Variants in QSOX1 observed in about 807,000 individuals in gnomAD.
The protein encoded by QSOX1 is quiescin sulfhydryl oxidase 1.
A neutral mutation model predicts 76.1 loss-of-function variants in QSOX1; 40 were observed. That is an observed-to-expected ratio of 0.53 (90% CI 0.41 to 0.68). The LOEUF (loss-of-function observed/expected upper bound fraction) is 0.68. Among genes scored for constraint, QSOX1 ranks in the 30% least tolerant of loss-of-function variants. The pLI is 0.00. For missense variants in QSOX1, 931 were observed against 974.3 expected (o/e 0.96, Z 0.59); for synonymous variants, 392 against 413.1 (o/e 0.95, Z 0.62).
intron 2 of QSOX1, among the ~76,000 whole-genome samples, chr1:180,167,533 A>G (rs1165673246): frequency 6.6e-6 from 1 of 152,190 alleles, no homozygotes; most frequent in Admixed American, 6.5e-5. Flanking sequence ...AGCAGCATCC[A>G]TCCGGGAAGT....
intron 5 of QSOX1, among the ~76,000 whole-genome samples, chr1:180,180,459 C>T (rs1003706550): frequency 6.6e-6 from 1 of 152,214 alleles, no homozygotes; most frequent in African/African-American, 2.4e-5. Context: ...ATCCGCCCAC[C>T]TCAGCCTCCC....
At chr1:180,195,611 G>C (rs1335757182) in intron 11 of QSOX1, among the ~76,000 whole-genome samples, 2 of 152,036 alleles carry the variant, frequency 1.3e-5, no homozygotes, top group Non-Finnish European at 2.9e-5. Context: ...GGCCCACCTG[G>C]GGTACCAACA....
chr1:180,196,968 G>A lies in QSOX1; in HGVS notation c.2175G>A (p.Leu725=), dbSNP rs1339938689. 1 of 1,611,768 alleles carries A rather than the reference G, an allele frequency of 6.2e-7. No homozygotes were observed. The highest frequency in any genetic ancestry group is 1.1e-5 in the South Asian group (1 of 90,820). Residue 725 remains leucine, a synonymous_variant, in exon 12 of 12, where the codon CTG becomes CTA. Coordinates refer to ENST00000367602, the MANE Select transcript of QSOX1 (RefSeq NM_002826.5). This position sits in a 1 kb window ranked among gnomAD's most constrained non-coding sequence, Gnocchi z 4.1. ...GLYSLSFMGL[L]AMYTYFQAKI... ...ATTCCCTGTCCTTCATGGGCCTGCT[G>A]GCCATGTACACCTACTTCCAGGCCA...
intron 8 of QSOX1, among the ~76,000 whole-genome samples, chr1:180,187,425 C>T (rs776069116): frequency 1.8e-4 from 28 of 152,124 alleles, no homozygotes; most frequent in Non-Finnish European, 3.5e-4. Flanking sequence ...ACGTACAGTC[C>T]CTCCTCCTGA....
At position 180,197,447 on chromosome 1, in the gene QSOX1, A is replaced by G; in HGVS notation, c.*410A>G. ...GGGTCCCCCAGCTGGGTGGGCTGGAATGGAACTCCTCACTAGCTGCTGGGG... is the reference window on the plus strand; with the variant it reads ...GGGTCCCCCAGCTGGGTGGGCTGGAGTGGAACTCCTCACTAGCTGCTGGGG... On this transcript the variant is annotated 3_prime_UTR_variant, in exon 12 of 12. Coordinates refer to ENST00000367602, the MANE Select transcript of QSOX1 (RefSeq NM_002826.5). The G allele has an allele frequency of 1.3e-6, 2 of 1,521,294 alleles. No homozygotes were observed. Among genetic ancestry groups the G allele is most frequent in the East Asian group, 2.3e-5 (1 of 44,428 alleles). 94.2% of individuals were successfully genotyped at this position (1,521,294 alleles called of 1,614,324 possible). A position where few individuals can be genotyped will look rare whatever the true frequency, so the allele number is the denominator to read the frequency against.
At position 180,155,025 on chromosome 1, in the gene QSOX1, G is replaced by T. The variant is rs1256975151; in HGVS notation, c.118G>T (p.Asp40Tyr). The change falls in exon 1 of 12, where the codon GAC becomes TAC. Residue 40 changes from aspartate (D) to tyrosine (Y), a missense_variant. Asp to Tyr is a radical substitution (Grantham distance 160, BLOSUM62 -3). Coordinates refer to ENST00000367602, the MANE Select transcript of QSOX1 (RefSeq NM_002826.5). Reference protein sequence around the residue: ...APRSALYSPSDPLTLLQADTV... With the variant: ...APRSALYSPSYPLTLLQADTV... ...GCGGTCGGCGCTCTATTCGCCTTCC[G>T]ACCCGCTGACGCTGCTGCAGGCGGA... 3.3e-6 allele frequency: 5 copies of T among 1,513,498 alleles called. No individual in the cohort carries two copies. Among genetic ancestry groups the T allele is most frequent in the Non-Finnish European group, 3.5e-6 (4 of 1,138,180 alleles). 93.8% of individuals were successfully genotyped at this position (1,513,498 alleles called of 1,614,324 possible).
At chr1:180,189,455 C>T in intron 8 of QSOX1, 97 bp from the exon 9 acceptor site, 1 of 611,366 alleles carries the variant, frequency 1.6e-6, no homozygotes, top group Non-Finnish European at 2.3e-6. Flanking sequence ...CGCCCCCCGC[C>T]CCCCGCCTTC....
intron 2 of QSOX1, among the ~76,000 whole-genome samples, chr1:180,170,888 C>T (rs563489833): frequency 3.9e-5 from 6 of 152,286 alleles, no homozygotes; most frequent in African/African-American, 1.4e-4. Flanking sequence ...AAAATGTCGT[C>T]CTGCTTCCTG....
Position 180,196,666 on chromosome 1 carries a change from A to G in QSOX1, c.1873A>G (p.Met625Val). The G allele has an allele frequency of 1.9e-6, 3 of 1,614,102 alleles. No homozygotes were observed. Among genetic ancestry groups the G allele is most frequent in the Non-Finnish European group, 2.5e-6 (3 of 1,180,028 alleles). The part of the protein sequence containing the change: ...AAPGQEPPEH[M>V]AELQRNEQEQ... ...ACCAGGCCAGGAGCCTCCTGAGCAC[A>G]TGGCAGAGCTTCAGAGGAATGAGCA... The change falls in exon 12 of 12, where the codon ATG (methionine) becomes GTG (valine). Residue 625 changes from methionine (M) to valine (V), a missense_variant. Physicochemically the swap from Met to Val is conservative, Grantham distance 21. Coordinates refer to ENST00000367602, the MANE Select transcript of QSOX1 (RefSeq NM_002826.5). This position sits in a 1 kb window ranked among gnomAD's most constrained non-coding sequence, Gnocchi z 4.1.
At chr1:180,193,504 G>T (rs1663376755) in intron 10 of QSOX1, among the ~76,000 whole-genome samples, 1 of 152,184 alleles carries the variant, frequency 6.6e-6, no homozygotes, top group South Asian at 2.1e-4. Flanking sequence ...TAAAGGCCTG[G>T]GAGGTTTGCG....
rs1663631150 is a variant in QSOX1, at chr1:180,201,208, A to T, written c.*4171A>T. The T allele has an allele frequency of 1.3e-5, 2 of 152,124 alleles. No individual in the cohort carries two copies. Among genetic ancestry groups the T allele is most frequent in the South Asian group, 2.1e-4 (1 of 4,820 alleles). 9.4% of individuals were successfully genotyped at this position (152,124 alleles called of 1,614,324 possible). On this transcript the variant is annotated 3_prime_UTR_variant, in exon 12 of 12. Transcript: ENST00000367602. ...CAGCTACATGTAGAGTGGAGAGGAG[A>T]GGTTTTTCCTGCAGGGCCTTCCAGA...
intron 2 of QSOX1, among the ~76,000 whole-genome samples, chr1:180,173,556 G>A (rs914059902): frequency 3.3e-5 from 5 of 152,212 alleles, no homozygotes; most frequent in Admixed American, 2.0e-4. Flanking sequence ...GCAGTGAGCA[G>A]GAGTAAGGGC....
In QSOX1 at chr1:180,198,043, G is replaced by A. The variant is rs1312239359; in HGVS notation, c.*1006G>A. ...TATTTTTGTTAAGGCAAGCATTGGT[G>A]TGTTCTTTAACTTGCTACTTGGAGA... On this transcript the variant is annotated 3_prime_UTR_variant, in exon 12 of 12. Coordinates refer to ENST00000367602, the MANE Select transcript of QSOX1 (RefSeq NM_002826.5). 2.6e-6 allele frequency: 1 copy of A among 387,180 alleles called. No homozygotes were observed. The highest frequency in any genetic ancestry group is 5.3e-6 in the Non-Finnish European group (1 of 189,202). 24.0% of individuals were successfully genotyped at this position (387,180 alleles called of 1,614,324 possible).
At chr1:180,184,581 G>T (rs1663124152) in intron 7 of QSOX1, among the ~76,000 whole-genome samples, 1 of 152,178 alleles carries the variant, frequency 6.6e-6, no homozygotes, top group East Asian at 1.9e-4. Flanking sequence ...TCACCTGTGT[G>T]TGTGTCCACA....
chr1:180,193,581 G>A (rs1663378130), intron 10 of QSOX1, among the ~76,000 whole-genome samples: 1 of 151,980 alleles, frequency 6.6e-6, no homozygotes, highest in Non-Finnish European at 1.5e-5. Flanking sequence ...GGGCTTAGGA[G>A]GGGCGTGTTG....
chr1:180,172,523 A>T (rs559677207), intron 2 of QSOX1, among the ~76,000 whole-genome samples: 7 of 151,972 alleles, frequency 4.6e-5, no homozygotes, highest in Admixed American at 2.0e-4. Flanking sequence ...CCTTTTTAAA[A>T]TTTTTTTATT....
At chr1:180,158,562 G>A (rs3820310) in intron 1 of QSOX1, among the ~76,000 whole-genome samples, 4,489 of 152,234 alleles carry the variant, frequency 0.029, 128 homozygotes, top group East Asian at 0.091. Flanking sequence ...ATCCAGTGAC[G>A]TCACTGCCCA....
At position 180,154,879 on chromosome 1, in the gene QSOX1, T is replaced by G; in HGVS notation, c.-29T>G. On this transcript the variant is annotated 5_prime_UTR_variant, in exon 1 of 12. Coordinates refer to ENST00000367602, the MANE Select transcript of QSOX1 (RefSeq NM_002826.5). ...GCCGGGACCCGACTCATCCGGTGCTTGCGTGTGGTGGTGAGCGCAGCGCCG... is the reference window on the plus strand; with the variant it reads ...GCCGGGACCCGACTCATCCGGTGCTGGCGTGTGGTGGTGAGCGCAGCGCCG... 1.5e-6 allele frequency: 2 copies of G among 1,376,312 alleles called. No individual in the cohort carries two copies. The highest frequency in any genetic ancestry group is 1.5e-5 in the African/African-American group (1 of 65,660). 85.3% of individuals were successfully genotyped at this position (1,376,312 alleles called of 1,614,324 possible).
Position 180,197,226 on chromosome 1 carries a change from C to T in QSOX1, c.*189C>T. ...CAGAGAGCTCCTTTGACACAAAAGA[C>T]AGGAGCAGGGTCCAGGTTCCCCTGC... On this transcript the variant is annotated 3_prime_UTR_variant, in exon 12 of 12. Transcript: ENST00000367602. 6.3e-7 allele frequency: 1 copy of T among 1,579,578 alleles called. No homozygotes were observed. Among genetic ancestry groups the T allele is most frequent in the South Asian group, 1.1e-5 (1 of 87,510 alleles).
Sources: gnomAD v4.1 joint callset for allele counts (sites outside exome capture counted in the v4.1 genomes callset) on GRCh38, gnomAD v4.1.1 for gene constraint, Gnocchi (gnomAD v3.1) non-coding constraint, MANE v1.5 for transcripts, NCBI Gene and HGNC (gene_info 2026-07-23, HGNC 2026-07-21) for gene names.